Variants in TRERF1 observed in about 807,000 individuals in gnomAD.
TRERF1 encodes transcriptional-regulating factor 1.
TRERF1 carries 27 observed loss-of-function variants against 122.9 expected under a neutral mutation model. The observed-to-expected ratio is 0.22, with a 90% CI of 0.16 to 0.30. TRERF1 has a LOEUF of 0.30. TRERF1 is among the 10% of genes least tolerant of loss of function. The pLI, the probability that TRERF1 is intolerant of heterozygous loss-of-function variation, is 1.00. For missense variants in TRERF1, 1,248 were observed against 1,560.3 expected (o/e 0.80, Z 3.37); for synonymous variants, 636 against 641.7 (o/e 0.99, Z 0.13).
intron 7 of TRERF1, 65 bp downstream of exon 7, chr6:42,264,639 G>A: frequency 6.3e-7 from 1 of 1,581,432 alleles, no homozygotes; most frequent in East Asian, 2.2e-5. Flanking sequence ...CTCTCTGTCT[G>A]ACGGCAGCAA....
intron 4 of TRERF1, among the ~76,000 whole-genome samples, chr6:42,277,861 G>A (rs144893555): frequency 0.011 from 1,520 of 137,198 alleles, 71 homozygotes; most frequent in Non-Finnish European, 0.014. Flanking sequence ...AAGAAAGAAG[G>A]AAGAAGGAAG....
intron 2 of TRERF1, among the ~76,000 whole-genome samples, chr6:42,409,581 C>T (rs1253778693): frequency 1.3e-5 from 2 of 152,144 alleles, no homozygotes; most frequent in African/African-American, 4.8e-5. Context: ...CCCTTTAATG[C>T]TTTAATTTCT....
chr6:42,358,583 G>A (rs138426585), intron 3 of TRERF1, among the ~76,000 whole-genome samples: 5 of 152,252 alleles, frequency 3.3e-5, no homozygotes, highest in South Asian at 4.1e-4. Context: ...AGAAAAATAA[G>A]AACAATGTAG....
intron 2 of TRERF1, among the ~76,000 whole-genome samples, chr6:42,410,599 C>T (rs531839438): frequency 3.3e-5 from 5 of 152,252 alleles, no homozygotes; most frequent in Admixed American, 2.6e-4. Flanking sequence ...TTTTTACCCT[C>T]GCCTTTCTGA....
intron 2 of TRERF1, among the ~76,000 whole-genome samples, chr6:42,418,320 A>G (rs1247569766): frequency 7.7e-6 from 1 of 130,220 alleles, no homozygotes; most frequent in African/African-American, 3.0e-5. Flanking sequence ...CCCCAGCTAG[A>G]GTTCAATGGC....
At chr6:42,258,288 A>G in intron 9 of TRERF1, 87 bp from the exon 10 acceptor site, 2 of 1,200,430 alleles carry the variant, frequency 1.7e-6, no homozygotes, top group Non-Finnish European at 2.4e-6. Flanking sequence ...CTAACCAGCC[A>G]TAATAGAGCT....
intron 3 of TRERF1, among the ~76,000 whole-genome samples, chr6:42,342,422 C>A (rs565809970): frequency 6.6e-6 from 1 of 152,296 alleles, no homozygotes; most frequent in East Asian, 1.9e-4. Flanking sequence ...CCAGCCCCTA[C>A]TCATGGCAGA....
At chr6:42,423,656 TA>T (rs1218303500) in intron 2 of TRERF1, among the ~76,000 whole-genome samples, 1 of 152,066 alleles carries the variant, frequency 6.6e-6, no homozygotes, top group Non-Finnish European at 1.5e-5. Context: ...AAGAAAAAAA[TA>T]AAATAAAATG....
intron 3 of TRERF1, among the ~76,000 whole-genome samples, chr6:42,315,399 A>G (rs538774878): frequency 1.3e-5 from 2 of 152,352 alleles, no homozygotes; most frequent in East Asian, 3.9e-4. Context: ...AGCACATGCC[A>G]AGGACTTTCT....
chr6:42,346,534 C>G (rs1199652451), intron 3 of TRERF1, among the ~76,000 whole-genome samples: 1 of 152,120 alleles, frequency 6.6e-6, no homozygotes, highest in African/African-American at 2.4e-5. Context: ...TCTAGAAAGG[C>G]CTCTATTAGA....
chr6:42,360,219 G>C (rs1381615750), intron 3 of TRERF1, among the ~76,000 whole-genome samples: 1 of 152,236 alleles, frequency 6.6e-6, no homozygotes, highest in African/African-American at 2.4e-5. Context: ...AACCTATAAA[G>C]TAGGTGCTAT....
chr6:42,247,186 T>A lies in TRERF1; in HGVS notation c.2657-642A>T, dbSNP rs554097486. 4.8e-4 allele frequency among the ~76,000 whole-genome samples: 73 copies of A among 152,290 alleles called. 1 individual carries two copies. Among genetic ancestry groups the A allele is most frequent in the African/African-American group, 1.8e-3 (73 of 41,554 alleles). On this transcript the variant is annotated intron_variant, in intron 13 of 17. Transcript: ENST00000372922. Reference sequence around the variant, plus strand: ...CATGAGTTGAGTTTTAAAGGTCACATAGAAGCAAGTCAGATCATAAGGAGA... The same window carrying A: ...CATGAGTTGAGTTTTAAAGGTCACAAAGAAGCAAGTCAGATCATAAGGAGA...
chr6:42,363,051 C>T (rs1041205193), exon 3 of TRERF1: 7 of 153,542 alleles, frequency 4.6e-5, no homozygotes, highest in African/African-American at 1.7e-4. Flanking sequence ...TCTGCGTCTT[C>T]TTCCTTCAGC....
exon 14 of TRERF1, chr6:42,246,497 G>T (rs771519986): frequency 7.5e-6 from 12 of 1,601,568 alleles, no homozygotes; most frequent in Non-Finnish European, 1.0e-5. Context: ...TAAGTGGCTA[G>T]TGCTTTGTTA....
chr6:42,261,987 G>T (rs569544349), intron 8 of TRERF1, among the ~76,000 whole-genome samples: 1 of 152,146 alleles, frequency 6.6e-6, no homozygotes, highest in Admixed American at 6.5e-5. Context: ...GAAGGGGTGG[G>T]GGGGGTGTGC....
intron 3 of TRERF1, among the ~76,000 whole-genome samples, chr6:42,353,940 G>A (rs996838118): frequency 4.6e-5 from 7 of 152,154 alleles, no homozygotes; most frequent in African/African-American, 1.7e-4. Context: ...TATTTTATAA[G>A]CTTTCAACAA....
At chr6:42,353,624 A>T (rs1462986805) in intron 3 of TRERF1, among the ~76,000 whole-genome samples, 1 of 152,006 alleles carries the variant, frequency 6.6e-6, no homozygotes, top group Non-Finnish European at 1.5e-5. Flanking sequence ...AAAAAAGACA[A>T]CTCAGCTATC....
intron 13 of TRERF1, among the ~76,000 whole-genome samples, chr6:42,249,791 C>G (rs557448661): frequency 3.2e-4 from 48 of 152,296 alleles, no homozygotes; most frequent in Middle Eastern, 3.4e-3. Flanking sequence ...TGATAGTGCT[C>G]TGTGTGTGCA....
At chr6:42,366,453 C>G (rs1466812915) in intron 2 of TRERF1, among the ~76,000 whole-genome samples, 1 of 152,128 alleles carries the variant, frequency 6.6e-6, no homozygotes, top group African/African-American at 2.4e-5. Context: ...CAGGAGGCAC[C>G]AGAGTCCGGC....
Sources: gnomAD v4.1 joint callset for allele counts (sites outside exome capture counted in the v4.1 genomes callset) on GRCh38, gnomAD v4.1.1 for gene constraint, MANE v1.5 for transcripts, NCBI Gene and HGNC (gene_info 2026-07-23, HGNC 2026-07-21) for gene names.